The following HLTF variants were observed in gnomAD, a reference collection of about 807,000 sequenced individuals.
The protein encoded by HLTF is helicase like transcription factor, also known as DNA-dependent ATPase/E3 ubiquitin-protein ligase HLTF.
In HLTF, 127 loss-of-function variants were observed where a neutral mutation model predicts 129.4. That is an observed-to-expected ratio of 0.98 (90% CI 0.85 to 1.14). The LOEUF (loss-of-function observed/expected upper bound fraction) is 1.14. Ranked by LOEUF, HLTF falls within the 50% of genes most tolerant of loss-of-function variation. The pLI, the probability that HLTF is intolerant of heterozygous loss-of-function variation, is 0.00. For synonymous variants in HLTF, 332 were observed against 388.8 expected, an observed-to-expected ratio of 0.85 and a Z score of 1.72; for missense variants, 1,139 against 1,187.1, an observed-to-expected ratio of 0.96 and a Z score of 0.60.
chr3:149,034,483 A>G (rs1411324219), intron 24 of HLTF, among the ~76,000 whole-genome samples: 2 of 152,154 alleles, frequency 1.3e-5, no homozygotes, highest in Non-Finnish European at 2.9e-5. Context: ...AAGATGATGA[A>G]AAAGTTCTGG....
chr3:149,043,547 G>GAAAAAAAA (rs35953851), intron 18 of HLTF, among the ~76,000 whole-genome samples: 1 of 83,668 alleles, frequency 1.2e-5, no homozygotes, highest in Non-Finnish European at 2.6e-5. Flanking sequence ...ACTTCAGAGG[G>GAAAAAAAA]AAAAAAAAAA....
intron 24 of HLTF, 73 bp downstream of exon 24, chr3:149,034,845 T>A: frequency 1.1e-6 from 1 of 932,440 alleles, no homozygotes; most frequent in South Asian, 1.4e-5. Flanking sequence ...CATAATAATA[T>A]ATTCATGCAT....
rs1716761281 is a variant in HLTF at position 149,048,885 on chromosome 3, T to C, written c.1734A>G (p.Ser578=). 2 of 1,613,460 alleles carry C rather than the reference T, an allele frequency of 1.2e-6. No individual in the cohort carries two copies. Among genetic ancestry groups the C allele is most frequent in the Non-Finnish European group, 1.7e-6 (2 of 1,179,486 alleles). The change falls in exon 16 of 25, where the codon TCA becomes TCG. Residue 578 remains serine, a synonymous_variant. Coordinates refer to ENST00000310053, the MANE Select transcript of HLTF (RefSeq NM_003071.4). The stretch of plus-strand genomic sequence containing the variant: ...TACCTGTCAAAACCCATCTTCTTTC[T>C]GATTCTAAGTCAAGTACAGCTTTTG... ...QQTKAVLDLE[S]ERRWVLTGTP... is the part of the protein sequence containing the mutation.
intron 2 of HLTF, among the ~76,000 whole-genome samples, chr3:149,078,163 A>G (rs965754929): frequency 1.3e-5 from 2 of 152,218 alleles, no homozygotes; most frequent in African/African-American, 4.8e-5. Flanking sequence ...GTCTATACAC[A>G]GGGAAAAAAA....
chr3:149,071,915 T>TG (rs1457844782), intron 5 of HLTF, among the ~76,000 whole-genome samples: 1 of 151,978 alleles, frequency 6.6e-6, no homozygotes, highest in Non-Finnish European at 1.5e-5. Context: ...TAGCCAGGCA[T>TG]GGGGGTGCAT....
chr3:149,032,445 T>C, intron 24 of HLTF, 73 bp from the exon 25 acceptor site: 1 of 974,582 alleles, frequency 1.0e-6, no homozygotes. Context: ...AAAAACTAAA[T>C]GAAAGATTTG....
chr3:149,038,919 T>G (rs920390158), intron 23 of HLTF, 130 bp downstream of exon 23: 3 of 541,220 alleles, frequency 5.5e-6, no homozygotes, highest in Non-Finnish European at 9.3e-6. Context: ...GTTTTTGTTA[T>G]TTATTTCTAA....
chr3:149,069,327 T>C (rs1718658153), intron 7 of HLTF, among the ~76,000 whole-genome samples: 1 of 151,748 alleles, frequency 6.6e-6, no homozygotes, highest in Non-Finnish European at 1.5e-5. Context: ...AAAAATTAGC[T>C]AGGTGTGGTG....
chr3:149,082,446 G>A (rs750993617), intron 2 of HLTF, among the ~76,000 whole-genome samples: 10 of 152,058 alleles, frequency 6.6e-5, no homozygotes, highest in Non-Finnish European at 8.8e-5. Context: ...GAAACAGAGC[G>A]AGACTCCGTC....
At chr3:149,041,961 C>T (rs542351330) in intron 19 of HLTF, 4 of 589,562 alleles carry the variant, frequency 6.8e-6, no homozygotes, top group African/African-American at 1.9e-5. Flanking sequence ...TATCTATCAC[C>T]GGAATTCCTG....
intron 3 of HLTF, among the ~76,000 whole-genome samples, chr3:149,075,319 C>T (rs1187735701): frequency 3.3e-5 from 5 of 152,100 alleles, no homozygotes; most frequent in South Asian, 2.1e-4. Flanking sequence ...GAGGCCGAGG[C>T]GGGCAGATCA....
Position 149,032,056 on chromosome 3 carries a change from G to C in HLTF, c.*164C>G, listed in dbSNP as rs934558423. ...GCTATTTGAAGTTTCATTAAAAATA[G>C]GTTCATATATAGAAGAAATTGTGTC... is the stretch of plus-strand genomic sequence containing the variant. On this transcript the variant is annotated 3_prime_UTR_variant, in exon 25 of 25. Coordinates refer to ENST00000310053, the MANE Select transcript of HLTF (RefSeq NM_003071.4). 2.0e-5 allele frequency: 9 copies of C among 442,308 alleles called. No homozygotes were observed. Among genetic ancestry groups the C allele is most frequent in the African/African-American group, 1.2e-4 (6 of 48,990 alleles). The allele number at this position is 442,308 out of a possible 1,614,324, so 27.4% of individuals were successfully genotyped here. A position where few individuals can be genotyped will look rare whatever the true frequency, so the allele number is the denominator to read the frequency against.
chr3:149,042,555 A>G (rs1426068509), intron 18 of HLTF, among the ~76,000 whole-genome samples: 1 of 152,152 alleles, frequency 6.6e-6, no homozygotes, highest in Non-Finnish European at 1.5e-5. Context: ...CAGAGCTGCC[A>G]AAACACAATT....
intron 22 of HLTF, 128 bp from the exon 23 acceptor site, chr3:149,039,357 C>A (rs1715922363): frequency 4.1e-6 from 3 of 731,254 alleles, no homozygotes; most frequent in Non-Finnish European, 6.2e-6. Context: ...TTATTGAACA[C>A]TTATTAATAT....
Position 149,071,636 on chromosome 3 carries a change from A to G in HLTF, c.649T>C (p.Leu217=). 6.3e-7 allele frequency: 1 copy of G among 1,589,046 alleles called. No homozygotes were observed. Among genetic ancestry groups the G allele is most frequent in the Non-Finnish European group, 8.6e-7 (1 of 1,161,490 alleles). The part of the protein sequence containing the change: ...TEQLKTEFDK[L]FEDLKEDDKT... Reference sequence around the variant, plus strand: ...TCATCTTCTTTTAAATCTTCAAACAATTTGTCAAATTCTGTTTTAAGCTAC... The same window carrying G: ...TCATCTTCTTTTAAATCTTCAAACAGTTTGTCAAATTCTGTTTTAAGCTAC... The change falls in exon 6 of 25, where the codon TTG becomes CTG. Residue 217 remains leucine, a synonymous_variant. Coordinates refer to ENST00000310053, the MANE Select transcript of HLTF (RefSeq NM_003071.4).
chr3:149,077,486 G>A lies in HLTF; in HGVS notation c.229-1439C>T, dbSNP rs145129668. On this transcript the variant is annotated intron_variant, in intron 2 of 24. Coordinates refer to ENST00000310053, the MANE Select transcript of HLTF (RefSeq NM_003071.4). The stretch of plus-strand genomic sequence containing the variant: ...AAGTACAAAAAAACCTCCCTTGGGC[G>A]GATGTTTGTCAAAACAATTTTACAG... Among the ~76,000 whole-genome samples, 467 of 152,020 alleles carry A rather than the reference G, an allele frequency of 3.1e-3. 1 individual carries two copies. Among genetic ancestry groups the A allele is most frequent in the Non-Finnish European group, 5.1e-3 (347 of 68,000 alleles).
chr3:149,048,189 A>C (rs1214328953), intron 16 of HLTF, 26 bp from the exon 17 acceptor site: 4 of 1,578,736 alleles, frequency 2.5e-6, no homozygotes, highest in Non-Finnish European at 3.4e-6. Context: ...AACTGTTATA[A>C]CTCTTTAACC....
intron 2 of HLTF, among the ~76,000 whole-genome samples, chr3:149,077,319 G>C (rs944205929): frequency 6.6e-6 from 1 of 151,648 alleles, no homozygotes; most frequent in African/African-American, 2.4e-5. Flanking sequence ...GGGATCCTAG[G>C]TAAAGCCTGG....
In HLTF at chr3:149,032,266, A is replaced by G; in HGVS notation, c.2984T>C (p.Met995Thr). Residue 995 changes from methionine (M) to threonine (T), a missense_variant, in exon 25 of 25, where the codon ATG becomes ACG. Coordinates refer to ENST00000310053, the MANE Select transcript of HLTF (RefSeq NM_003071.4). ...GATTTCATTAATTTTGGCTTGTTTCATTTCGTCAGCATTTGGTTTTTTAGT... is the reference window on the plus strand; with the variant it reads ...GATTTCATTAATTTTGGCTTGTTTCGTTTCGTCAGCATTTGGTTTTTTAGT... Reference protein sequence around the residue: ...FGTKKPNADEMKQAKINEIRT... With the variant: ...FGTKKPNADETKQAKINEIRT... 6.3e-7 allele frequency: 1 copy of G among 1,599,074 alleles called. No individual in the cohort carries two copies. Among genetic ancestry groups the G allele is most frequent in the Non-Finnish European group, 8.5e-7 (1 of 1,174,916 alleles).
Sources: gnomAD v4.1 joint callset for allele counts (sites outside exome capture counted in the v4.1 genomes callset) on GRCh38, gnomAD v4.1.1 for gene constraint, MANE v1.5 for transcripts, NCBI Gene and HGNC (gene_info 2026-07-23, HGNC 2026-07-21) for gene names.